The following ERBB4 variants were observed in gnomAD, a reference collection of about 807,000 sequenced individuals.
ERBB4 encodes the protein erb-b2 receptor tyrosine kinase 4.
A neutral mutation model predicts 158.0 loss-of-function variants in ERBB4; 42 were observed. The ratio of observed to expected loss-of-function variants is 0.27; its 90% CI spans 0.21 to 0.34. The LOEUF is 0.34. ERBB4 is among the 10% of genes least tolerant of loss of function. ERBB4 has a pLI of 1.00. For synonymous variants in ERBB4, 583 were observed against 558.7 expected, an observed-to-expected ratio of 1.04 and a Z score of -0.61; for missense variants, 1,333 against 1,624.1, an observed-to-expected ratio of 0.82 and a Z score of 3.08.
At chr2:211,697,120 TGCAA>T (rs2073056979) in intron 12 of ERBB4, among the ~76,000 whole-genome samples, 15 of 148,132 alleles carry the variant, frequency 1.0e-4, no homozygotes, top group Middle Eastern at 3.5e-3. Flanking sequence ...TATACTCATC[TGCAA>T]ATGCAGATGA....
chr2:211,803,847 C>T (rs1477216810), intron 3 of ERBB4, among the ~76,000 whole-genome samples: 1 of 152,060 alleles, frequency 6.6e-6, no homozygotes, highest in African/African-American at 2.4e-5. Flanking sequence ...AGCTCCTCTA[C>T]CTATTGATAA....
chr2:212,369,557 T>C (rs920502747), intron 1 of ERBB4, among the ~76,000 whole-genome samples: 3 of 152,204 alleles, frequency 2.0e-5, no homozygotes, highest in African/African-American at 7.2e-5. Flanking sequence ...TTAAATTTTC[T>C]TTTATCTGAA....
intron 3 of ERBB4, among the ~76,000 whole-genome samples, chr2:211,809,574 C>T (rs2076701155): frequency 1.3e-5 from 2 of 151,970 alleles, no homozygotes; most frequent in East Asian, 1.9e-4. Context: ...TTTGATTCTC[C>T]TCTCTTTTCT....
intron 19 of ERBB4, among the ~76,000 whole-genome samples, chr2:211,577,993 T>C (rs1213089861): frequency 6.6e-6 from 1 of 152,100 alleles, no homozygotes; most frequent in East Asian, 1.9e-4. Context: ...ATACGGGGTA[T>C]TCAAATAGGA....
chr2:212,428,316 G>T (rs1165159223), intron 1 of ERBB4, among the ~76,000 whole-genome samples: 1 of 152,060 alleles, frequency 6.6e-6, no homozygotes, highest in African/African-American at 2.4e-5. Flanking sequence ...CTTATGTTTT[G>T]TAAATATTAT....
At chr2:212,524,077 C>T (rs1692317189) in intron 1 of ERBB4, among the ~76,000 whole-genome samples, 1 of 151,956 alleles carries the variant, frequency 6.6e-6, no homozygotes, top group Admixed American at 6.6e-5. Context: ...CCCAAGCCTC[C>T]TCTTTTCCAT....
At chr2:212,446,274 G>T (rs2092346488) in intron 1 of ERBB4, among the ~76,000 whole-genome samples, 1 of 149,320 alleles carries the variant, frequency 6.7e-6, no homozygotes, top group Non-Finnish European at 1.5e-5. Context: ...TGTCTGTAAG[G>T]GTGTTGCCAG....
chr2:211,844,269 C>T (rs2077541995), intron 3 of ERBB4, among the ~76,000 whole-genome samples: 1 of 151,892 alleles, frequency 6.6e-6, no homozygotes, highest in Admixed American at 6.6e-5. Flanking sequence ...TTGATTTTTC[C>T]AAAAGGTGGT....
At chr2:212,508,606 G>A (rs1691328317) in intron 1 of ERBB4, among the ~76,000 whole-genome samples, 1 of 147,826 alleles carries the variant, frequency 6.8e-6, no homozygotes, top group African/African-American at 2.5e-5. Flanking sequence ...CAATTAGAGA[G>A]AGAACACAAG....
chr2:212,148,189 G>A (rs1317387877), intron 1 of ERBB4, among the ~76,000 whole-genome samples: 3 of 150,848 alleles, frequency 2.0e-5, no homozygotes, highest in Non-Finnish European at 4.4e-5. Context: ...TGGCATAATT[G>A]GTACCGATTT....
chr2:212,521,373 T>C (rs1692153056), intron 1 of ERBB4, among the ~76,000 whole-genome samples: 1 of 151,816 alleles, frequency 6.6e-6, no homozygotes, highest in South Asian at 2.1e-4. Flanking sequence ...CTTCCTCAAA[T>C]AGTCTACTTA....
In ERBB4 at chr2:211,422,502, A is replaced by C. The variant is rs1174853553; in HGVS notation, c.2867-398T>G. Among the ~76,000 whole-genome samples, 3 of 151,740 alleles carry C rather than the reference A, an allele frequency of 2.0e-5. No individual in the cohort carries two copies. In the East Asian group the frequency reaches 5.8e-4, roughly 29 times the overall value. ...GTCCTGGTGGACAAAAAAAAAAAAA[A>C]AAAAACTAATGCAAAGTGATTGGTA... On this transcript the variant is annotated intron_variant, in intron 23 of 27. Coordinates refer to ENST00000342788, the MANE Select transcript of ERBB4 (RefSeq NM_005235.3).
rs1553630489 is a variant in ERBB4, at chr2:211,773,631, T to TATA, written c.556+14391_556+14393dup. Among the ~76,000 whole-genome samples the TATA allele has an allele frequency of 9.0e-4, 82 of 91,232 alleles. 1 individual carries two copies. The highest frequency in any genetic ancestry group is 5.3e-3 in the African/African-American group (76 of 14,350). The allele number at this position is 91,232 out of a possible 152,430, so 59.9% of individuals were successfully genotyped here. A position where few individuals can be genotyped will look rare whatever the true frequency, so the allele number is the denominator to read the frequency against. ...ATATATATATATATATATATATATA[T>TATA]ATATATATATATATATAATATATAT... On this transcript the variant is annotated intron_variant, in intron 4 of 27. Coordinates refer to ENST00000342788, the MANE Select transcript of ERBB4 (RefSeq NM_005235.3).
intron 25 of ERBB4, among the ~76,000 whole-genome samples, chr2:211,417,886 C>G (rs905738476): frequency 5.3e-5 from 8 of 152,018 alleles, no homozygotes; most frequent in African/African-American, 1.9e-4. Context: ...ATTGATGATT[C>G]TAAAAGTAGA....
intron 1 of ERBB4, among the ~76,000 whole-genome samples, chr2:212,209,785 T>C (rs1445067130): frequency 1.3e-5 from 2 of 151,772 alleles, no homozygotes; most frequent in Non-Finnish European, 3.0e-5. Context: ...GCCCTACTAA[T>C]TGCACAGTGT....
intron 7 of ERBB4, among the ~76,000 whole-genome samples, chr2:211,714,962 A>C (rs1575036143): frequency 6.6e-6 from 1 of 152,172 alleles, no homozygotes; most frequent in East Asian, 1.9e-4. Flanking sequence ...ACTTAGGAAA[A>C]GCTAACAGAG....
chr2:211,376,570 C>G lies in ERBB4; in HGVS notation c.*7045G>C. ...CTTCACAAGAGAGAGGGCTTGTTTT[C>G]TGCTTACAAGTTAAGAAAATAAGGA... On this transcript the variant is annotated 3_prime_UTR_variant, in exon 28 of 28. Coordinates refer to ENST00000342788, the MANE Select transcript of ERBB4 (RefSeq NM_005235.3). 1 of 232,736 alleles carries G rather than the reference C, an allele frequency of 4.3e-6. No homozygotes were observed. 14.4% of individuals were successfully genotyped at this position (232,736 alleles called of 1,614,324 possible). A position where few individuals can be genotyped will look rare whatever the true frequency, so the allele number is the denominator to read the frequency against.
Position 211,972,233 on chromosome 2 carries a change from C to T in ERBB4, c.235-24617G>A, listed in dbSNP as rs949426764. On this transcript the variant is annotated intron_variant, in intron 2 of 27. Transcript: ENST00000342788. ...AGATCTACAAGGAAAACTACAAACCCCTGCTCAAAGAAGTCAGAGATGACA... is the reference window on the plus strand; with the variant it reads ...AGATCTACAAGGAAAACTACAAACCTCTGCTCAAAGAAGTCAGAGATGACA... Among the ~76,000 whole-genome samples the T allele has an allele frequency of 3.9e-5, 6 of 151,970 alleles. No individual in the cohort carries two copies. In the South Asian group the frequency reaches 1.2e-3, roughly 32 times the overall value.
intron 25 of ERBB4, among the ~76,000 whole-genome samples, chr2:211,403,356 T>G (rs1435087391): frequency 6.6e-6 from 1 of 152,094 alleles, no homozygotes; most frequent in Non-Finnish European, 1.5e-5. Flanking sequence ...CAAAATTCAT[T>G]CAAGCCCTTC....
Sources: allele counts gnomAD v4.1 joint callset (sites outside exome capture counted in the v4.1 genomes callset), GRCh38; gene constraint gnomAD v4.1.1; transcripts MANE v1.5; gene names NCBI Gene and HGNC (gene_info 2026-07-23, HGNC 2026-07-21).